Variants in KRAS observed in about 807,000 individuals in gnomAD.
KRAS encodes the protein GTPase KRas.
A neutral mutation model predicts 21.0 loss-of-function variants in KRAS; 1 was observed. The ratio of observed to expected loss-of-function variants is 0.05; its 90% CI spans 0.02 to 0.23. KRAS has a LOEUF of 0.23. Among genes scored for constraint, KRAS ranks in the 10% least tolerant of loss-of-function variants. KRAS has a pLI of 1.00. For missense variants in KRAS, 107 were observed against 221.8 expected (o/e 0.48, Z 3.29); for synonymous variants, 67 against 72.5 (o/e 0.92, Z 0.39).
intron 4 of KRAS, chr12:25,225,286 T>TTATTTTTATATATA (rs1486092988): frequency 0.056 from 583 of 10,434 alleles, 52 homozygotes; most frequent in Non-Finnish European, 0.073. Flanking sequence ...GCCCTGTTCT[T>TTATTTTTATATATA]TATATATATA....
chr12:25,238,341 G>C (rs1295842381), intron 2 of KRAS, among the ~76,000 whole-genome samples: 2 of 152,128 alleles, frequency 1.3e-5, no homozygotes, highest in Non-Finnish European at 2.9e-5. Flanking sequence ...TTGAAGTCCA[G>C]GTAAGAATGA....
At chr12:25,249,631 A>G (rs1403424044) in intron 1 of KRAS, among the ~76,000 whole-genome samples, 1 of 147,402 alleles carries the variant, frequency 6.8e-6, no homozygotes, top group South Asian at 2.2e-4. Context: ...GTTTAAGTCT[A>G]TTTCAGGCGG....
chr12:25,225,146 C>T (rs1406964459), intron 4 of KRAS: 6 of 151,740 alleles, frequency 4.0e-5, no homozygotes, highest in African/African-American at 1.5e-4. Context: ...TGAGACCTTT[C>T]TCCAGAAATA....
intron 1 of KRAS, among the ~76,000 whole-genome samples, 197 bp downstream of exon 1, chr12:25,250,554 C>T (rs1169724069): frequency 6.6e-6 from 1 of 152,138 alleles, no homozygotes; most frequent in East Asian, 1.9e-4. Context: ...GCCCATTCCT[C>T]ACTCCCCGCG....
At chr12:25,247,728 T>A (rs1305738014) in intron 1 of KRAS, among the ~76,000 whole-genome samples, 3 of 152,226 alleles carry the variant, frequency 2.0e-5, no homozygotes, top group Non-Finnish European at 4.4e-5. Flanking sequence ...TTAACTCCCA[T>A]TCTTTCACAA....
intron 4 of KRAS, 53 bp downstream of exon 4, chr12:25,225,561 A>T (rs1476012702): frequency 1.3e-6 from 2 of 1,520,996 alleles, no homozygotes; most frequent in East Asian, 4.5e-5. Flanking sequence ...TAAATGACAT[A>T]ACAGTTATGA....
intron 1 of KRAS, among the ~76,000 whole-genome samples, chr12:25,246,144 T>C (rs1951677054): frequency 2.4e-5 from 2 of 83,214 alleles, no homozygotes; most frequent in Non-Finnish European, 4.6e-5. Flanking sequence ...CAAGACTCCG[T>C]CTCAAAAAAA....
Position 25,209,301 on chromosome 12 carries a change from T to C in KRAS, c.*494A>G, listed in dbSNP as rs1951178479. The C allele has an allele frequency of 6.3e-6, 4 of 633,144 alleles. 1 individual carries two copies. In the South Asian group the frequency reaches 7.8e-5, roughly 12 times the overall value. 39.2% of individuals were successfully genotyped at this position (633,144 alleles called of 1,614,324 possible). On this transcript the variant is annotated 3_prime_UTR_variant, in exon 5 of 5. Transcript: ENST00000311936. ...TACATTCATCAGGGATGACAAACTA[T>C]AGGACATGATGCCTAGAAGAATCAT... is the stretch of plus-strand genomic sequence containing the variant.
At chr12:25,249,591 CA>C (rs71065929) in intron 1 of KRAS, among the ~76,000 whole-genome samples, 9 of 60,828 alleles carry the variant, frequency 1.5e-4, no homozygotes, top group East Asian at 5.5e-4. Context: ...GACTGTGTCT[CA>C]AAAAAAAAAA....
At chr12:25,222,396 T>G (rs1382846321) in intron 4 of KRAS, among the ~76,000 whole-genome samples, 1 of 152,084 alleles carries the variant, frequency 6.6e-6, no homozygotes, top group East Asian at 1.9e-4. Context: ...GGAAGATTAA[T>G]AAGACTTTTG....
At chr12:25,228,785 G>A (rs1339038585) in intron 2 of KRAS, among the ~76,000 whole-genome samples, 1 of 152,186 alleles carries the variant, frequency 6.6e-6, no homozygotes, top group Non-Finnish European at 1.5e-5. Flanking sequence ...CATGGTCTAG[G>A]CGCGGTGGCT....
rs115968671 is a variant in KRAS at position 25,208,030 on chromosome 12, A to G, written c.*1765T>C. 2,637 of 233,332 alleles carry G rather than the reference A, an allele frequency of 0.011. 57 individuals carry two copies. The highest frequency in any genetic ancestry group is 0.054 in the African/African-American group (2,460 of 45,460). The allele number at this position is 233,332 out of a possible 1,614,324, so 14.5% of individuals were successfully genotyped here. On this transcript the variant is annotated 3_prime_UTR_variant, in exon 5 of 5. Coordinates refer to ENST00000311936, the MANE Select transcript of KRAS (RefSeq NM_004985.5). ...CTAAAACGAGAATGGATATTCAAAT[A>G]TAAACTTCACCTCTTGCACAATTTT...
chr12:25,209,147 A>G lies in KRAS; in HGVS notation c.*648T>C, dbSNP rs746415142. On this transcript the variant is annotated 3_prime_UTR_variant, in exon 5 of 5. Coordinates refer to ENST00000311936, the MANE Select transcript of KRAS (RefSeq NM_004985.5). ...AATGTGAAAAGGAAATGGCCTTATA[A>G]TAGTTTCCATTGCCTTGTAATTTTT... The G allele has an allele frequency of 4.7e-6, 3 of 639,006 alleles. No homozygotes were observed. Among genetic ancestry groups the G allele is most frequent in the South Asian group, 3.8e-5 (2 of 53,152 alleles). 39.6% of individuals were successfully genotyped at this position (639,006 alleles called of 1,614,324 possible). A position where few individuals can be genotyped will look rare whatever the true frequency, so the allele number is the denominator to read the frequency against.
intron 1 of KRAS, among the ~76,000 whole-genome samples, chr12:25,246,483 G>A (rs1416857210): frequency 4.0e-5 from 6 of 150,258 alleles, no homozygotes; most frequent in Non-Finnish European, 5.9e-5. Context: ...ACTTGAACCC[G>A]GGAGGCAGAG....
At chr12:25,248,909 A>G (rs1951724890) in intron 1 of KRAS, among the ~76,000 whole-genome samples, 2 of 152,264 alleles carry the variant, frequency 1.3e-5, no homozygotes, top group South Asian at 4.1e-4. Context: ...CATATTTGAT[A>G]TCTGTAGTCT....
chr12:25,241,324 CTT>C (rs947322139), intron 2 of KRAS, among the ~76,000 whole-genome samples: 8 of 152,132 alleles, frequency 5.3e-5, no homozygotes, highest in Non-Finnish European at 1.2e-4. Context: ...ACTACACAAA[CTT>C]AGGATTTCAC....
At chr12:25,227,841 T>C (rs1951412345) in intron 2 of KRAS, among the ~76,000 whole-genome samples, 1 of 152,102 alleles carries the variant, frequency 6.6e-6, no homozygotes, top group South Asian at 2.1e-4. Context: ...GCAATTCCAT[T>C]CCTAGGTATA....
At position 25,245,346 on chromosome 12, in the gene KRAS, G is replaced by A. The variant is rs397517040; in HGVS notation, c.39C>T (p.Gly13=). Residue 13 remains glycine (G), a synonymous_variant, in exon 2 of 5, where the codon GGC becomes GGT. Transcript: ENST00000311936. ...GTATCGTCAAGGCACTCTTGCCTACGCCACCAGCTCCAACTACCACAAGTT... is the reference window on the plus strand; with the variant it reads ...GTATCGTCAAGGCACTCTTGCCTACACCACCAGCTCCAACTACCACAAGTT... ...EYKLVVVGAG[G]VGKSALTIQL... is the part of the protein sequence containing the mutation. 6 of 1,612,700 alleles carry A rather than the reference G, an allele frequency of 3.7e-6. No homozygotes were observed. The highest frequency in any genetic ancestry group is 3.3e-5 in the South Asian group (3 of 90,800).
intron 1 of KRAS, among the ~76,000 whole-genome samples, chr12:25,246,147 C>CAAAA (rs35617676): frequency 3.6e-5 from 3 of 84,440 alleles, no homozygotes; most frequent in Non-Finnish European, 4.6e-5. Context: ...GACTCCGTCT[C>CAAAA]AAAAAAAAAA....
Sources: gnomAD v4.1 joint callset for allele counts (sites outside exome capture counted in the v4.1 genomes callset) on GRCh38, gnomAD v4.1.1 for gene constraint, MANE v1.5 for transcripts, NCBI Gene and HGNC (gene_info 2026-07-23, HGNC 2026-07-21) for gene names.